The following MS4A5 variants were observed in gnomAD, a reference collection of about 807,000 sequenced individuals.
MS4A5 encodes membrane-spanning 4-domains subfamily A member 5.
In MS4A5, 15 loss-of-function variants were observed where a neutral mutation model predicts 18.2. The observed-to-expected ratio is 0.83, with a 90% CI of 0.55 to 1.27. The LOEUF is 1.27. MS4A5 is among the 50% of genes most tolerant of loss of function. The pLI is 0.00. For synonymous variants in MS4A5, 89 were observed against 78.7 expected (o/e 1.13, Z -0.69); for missense variants, 232 against 225.7 (o/e 1.03, Z -0.18).
intron 2 of MS4A5, among the ~76,000 whole-genome samples, chr11:60,431,345 T>G (rs2135170242): frequency 6.6e-6 from 1 of 152,296 alleles, no homozygotes; most frequent in East Asian, 1.9e-4. Context: ...AAGGAGCAAT[T>G]TATTCTTTAC....
chr11:60,432,100 G>T (rs564361143), intron 2 of MS4A5, among the ~76,000 whole-genome samples: 12 of 152,194 alleles, frequency 7.9e-5, no homozygotes, highest in African/African-American at 2.9e-4. Flanking sequence ...AAATCCCTTT[G>T]TCATGAGATC....
At chr11:60,434,281 C>T (rs538617701) in intron 4 of MS4A5, among the ~76,000 whole-genome samples, 47 of 152,126 alleles carry the variant, frequency 3.1e-4, no homozygotes, top group African/African-American at 1.1e-3. Flanking sequence ...TTGGTTTTAA[C>T]AGGCTGAACT....
intron 4 of MS4A5, among the ~76,000 whole-genome samples, chr11:60,438,233 A>C (rs1374449401): frequency 1.3e-5 from 2 of 152,236 alleles, no homozygotes; most frequent in Non-Finnish European, 2.9e-5. Flanking sequence ...AATGAGAACA[A>C]AGACACAACA....
intron 4 of MS4A5, among the ~76,000 whole-genome samples, chr11:60,439,994 C>T (rs528924549): frequency 0.025 from 3,745 of 147,088 alleles, 184 homozygotes; most frequent in African/African-American, 0.082. Flanking sequence ...AAGAACAAAA[C>T]TGGAGGCATC....
intron 4 of MS4A5, among the ~76,000 whole-genome samples, chr11:60,434,904 G>A (rs764248768): frequency 1.4e-4 from 21 of 152,142 alleles, no homozygotes; most frequent in Admixed American, 1.2e-3. Context: ...GATTTTCTCC[G>A]TATTAAACTA....
chr11:60,445,678 A>G (rs1275674972), intron 4 of MS4A5, among the ~76,000 whole-genome samples: 1 of 152,238 alleles, frequency 6.6e-6, no homozygotes. Context: ...ACTGACAAGA[A>G]GTCAAGAAAA....
chr11:60,431,934 C>G (rs1439242808), intron 2 of MS4A5, among the ~76,000 whole-genome samples: 1 of 151,922 alleles, frequency 6.6e-6, no homozygotes, highest in Admixed American at 6.6e-5. Flanking sequence ...CACTAGACAA[C>G]AATGCTACCA....
At chr11:60,434,703 T>C (rs1300627166) in intron 4 of MS4A5, among the ~76,000 whole-genome samples, 1 of 152,116 alleles carries the variant, frequency 6.6e-6, no homozygotes, top group Non-Finnish European at 1.5e-5. Context: ...CTGGAACTAC[T>C]AGATCAATTT....
rs904847605 is a variant in MS4A5 at position 60,447,677 on chromosome 11, G to A, written c.521G>A (p.Ser174Asn). The change falls in exon 5 of 5, where the codon AGC becomes AAC. Residue 174 changes from serine (S) to asparagine (N), a missense_variant. Coordinates refer to ENST00000300190, the MANE Select transcript of MS4A5 (RefSeq NM_023945.3). Reference protein sequence around the residue: ...LGILITLMTFSIIELFISLPF... With the variant: ...LGILITLMTFNIIELFISLPF... Reference sequence around the variant, plus strand: ...ATTTTGATTACATTGATGACTTTCAGCATTATTGAATTATTCATTTCTCTG... The same window carrying A: ...ATTTTGATTACATTGATGACTTTCAACATTATTGAATTATTCATTTCTCTG... 1.9e-6 allele frequency: 3 copies of A among 1,587,552 alleles called. No homozygotes were observed. Among genetic ancestry groups the A allele is most frequent in the Non-Finnish European group, 2.6e-6 (3 of 1,172,522 alleles).
At chr11:60,447,559 C>A in intron 4 of MS4A5, 90 bp from the exon 5 acceptor site, 1 of 675,842 alleles carries the variant, frequency 1.5e-6, no homozygotes, top group Non-Finnish European at 2.5e-6. Flanking sequence ...CTTTTATTAT[C>A]TGGGCATCAC....
intron 1 of MS4A5, 132 bp downstream of exon 1, chr11:60,429,959 G>A: frequency 2.3e-6 from 2 of 857,692 alleles, no homozygotes; most frequent in Non-Finnish European, 3.5e-6. Context: ...ATAGAGTGTT[G>A]GTGGGCCATT....
rs1395358884 is a variant in MS4A5, at chr11:60,431,396, G to A, written c.282+472G>A. On this transcript the variant is annotated intron_variant, in intron 2 of 4. Transcript: ENST00000300190. ...AGGGTTTCTCAGATATACCTTTTGA[G>A]CTGCGGAGAGGTATTTATTAAACCC... Among the ~76,000 whole-genome samples, 4 of 152,166 alleles carry A rather than the reference G, an allele frequency of 2.6e-5. No homozygotes were observed. The East Asian group carries it at 5.8e-4, about 22-fold the overall frequency.
chr11:60,437,547 A>G (rs1237748842), intron 4 of MS4A5, among the ~76,000 whole-genome samples: 3 of 152,206 alleles, frequency 2.0e-5, no homozygotes, highest in Admixed American at 1.3e-4. Flanking sequence ...GCAGAGACAC[A>G]CATAGGCTCA....
At chr11:60,436,811 G>C (rs1590832475) in intron 4 of MS4A5, among the ~76,000 whole-genome samples, 1 of 136,220 alleles carries the variant, frequency 7.3e-6, no homozygotes, top group Admixed American at 8.2e-5. Context: ...GTACCTAAAA[G>C]TGATGGGGAG....
In MS4A5 at chr11:60,429,798, T is replaced by A; in HGVS notation, c.124T>A (p.Leu42Ile). ...TTCAACTCAAAGCCCCTTGCAAAAA[T>A]TATTTGCTAGAAAAATGAAAATCTT... ...TFSTQSPLQK[L>I]FARKMKILGT... Residue 42 changes from leucine to isoleucine, a missense_variant, in exon 1 of 5, where the codon TTA (leucine) becomes ATA (isoleucine). Leu to Ile is a conservative substitution (Grantham distance 5). Transcript: ENST00000300190. The A allele has an allele frequency of 1.9e-6, 3 of 1,613,844 alleles. No homozygotes were observed. Among genetic ancestry groups the A allele is most frequent in the Non-Finnish European group, 2.5e-6 (3 of 1,179,986 alleles).
intron 4 of MS4A5, among the ~76,000 whole-genome samples, chr11:60,436,767 C>T (rs1193757034): frequency 7.4e-6 from 1 of 135,114 alleles, no homozygotes; most frequent in East Asian, 2.1e-4. Context: ...AAATATGGGA[C>T]TATGTGAAAA....
intron 1 of MS4A5, among the ~76,000 whole-genome samples, chr11:60,430,354 G>C (rs573370896): frequency 6.6e-6 from 1 of 152,204 alleles, no homozygotes; most frequent in African/African-American, 2.4e-5. Context: ...CTCCAGGCAG[G>C]GCTCCTCACA....
At chr11:60,445,078 C>A (rs1016680857) in intron 4 of MS4A5, among the ~76,000 whole-genome samples, 1 of 151,772 alleles carries the variant, frequency 6.6e-6, no homozygotes, top group Non-Finnish European at 1.5e-5. Flanking sequence ...TTTATTATAC[C>A]GAGGCAAACA....
At chr11:60,434,696 G>A (rs1364034562) in intron 4 of MS4A5, among the ~76,000 whole-genome samples, 2 of 152,134 alleles carry the variant, frequency 1.3e-5, no homozygotes, top group Non-Finnish European at 2.9e-5. Context: ...AGGTCAGCTG[G>A]AACTACTAGA....
Sources: gnomAD v4.1 joint callset for allele counts (sites outside exome capture counted in the v4.1 genomes callset) on GRCh38, gnomAD v4.1.1 for gene constraint, MANE v1.5 for transcripts, NCBI Gene and HGNC (gene_info 2026-07-23, HGNC 2026-07-21) for gene names.